The following PLXNA2 variants were observed in gnomAD, a reference collection of about 807,000 sequenced individuals.
PLXNA2 encodes plexin A2, also known as plexin-A2.
PLXNA2 carries 91 observed loss-of-function variants against 193.5 expected under a neutral mutation model. That is an observed-to-expected ratio of 0.47 (90% CI 0.40 to 0.56). PLXNA2 has a LOEUF of 0.56. Ranked by LOEUF, PLXNA2 falls within the 20% of genes least tolerant of loss-of-function variation. PLXNA2 has a pLI of 0.00. For synonymous variants in PLXNA2, 997 were observed against 1,027.3 expected (o/e 0.97, Z 0.56); for missense variants, 1,995 against 2,503.2 (o/e 0.80, Z 4.33).
chr1:208,148,626 G>A (rs578026451), intron 3 of PLXNA2, among the ~76,000 whole-genome samples: 4 of 152,306 alleles, frequency 2.6e-5, no homozygotes, highest in South Asian at 4.1e-4. Context: ...CTAGGCCTGC[G>A]TTAGGAGCTG....
At chr1:208,096,178 G>T in intron 7 of PLXNA2, 53 bp from the exon 8 acceptor site, 1 of 1,314,858 alleles carries the variant, frequency 7.6e-7, no homozygotes, top group Non-Finnish European at 1.1e-6. Flanking sequence ...GGGGGACCCA[G>T]TGGACAGCCA....
At chr1:208,090,503 G>T (rs976901687) in intron 9 of PLXNA2, among the ~76,000 whole-genome samples, 3 of 152,138 alleles carry the variant, frequency 2.0e-5, no homozygotes, top group Non-Finnish European at 4.4e-5. Flanking sequence ...CTTCCGAATG[G>T]TGTGAGGAAG....
At chr1:208,230,743 T>C (rs2102636876) in intron 1 of PLXNA2, among the ~76,000 whole-genome samples, 1 of 152,366 alleles carries the variant, frequency 6.6e-6, no homozygotes. Context: ...AAGCAGGCTA[T>C]GTCCCCACCC....
intron 1 of PLXNA2, among the ~76,000 whole-genome samples, chr1:208,243,111 A>G (rs776685775): frequency 3.3e-5 from 5 of 152,034 alleles, no homozygotes; most frequent in Non-Finnish European, 7.4e-5. Flanking sequence ...ACCCGCGCAA[A>G]TGATGTTTTC....
intron 2 of PLXNA2, among the ~76,000 whole-genome samples, chr1:208,216,011 T>C (rs75156564): frequency 0.063 from 9,543 of 152,262 alleles, 410 homozygotes; most frequent in East Asian, 0.15. Context: ...CTTAGATTTC[T>C]GATCTCCACT....
At chr1:208,171,560 T>C (rs961029616) in intron 3 of PLXNA2, among the ~76,000 whole-genome samples, 2 of 152,216 alleles carry the variant, frequency 1.3e-5, no homozygotes, top group African/African-American at 2.4e-5. Flanking sequence ...CCTAGCAAGA[T>C]GGCTCATGCC....
In PLXNA2 at chr1:208,096,839, G is replaced by C; in HGVS notation, c.1776C>G (p.Ile592Met). The change falls in exon 7 of 32, where the codon ATC becomes ATG. Residue 592 changes from isoleucine to methionine, a missense_variant. Physicochemically the swap from Ile to Met is conservative, Grantham distance 10. Around this residue, in one of 3 missense-constraint regions of PLXNA2, gnomAD observed 702 missense variants for 812.9 expected, o/e 0.86. Transcript: ENST00000367033. ...CTGTCAGGTTCCCAAAGGCACAGGC[G>C]ATACCCGCAGATAGATCAGGAGCAT... ...VSDAPDLSAG[I>M]ACAFGNLTEV... 1.2e-6 allele frequency: 2 copies of C among 1,614,012 alleles called. No homozygotes were observed. The highest frequency in any genetic ancestry group is 1.7e-6 in the Non-Finnish European group (2 of 1,180,000).
intron 12 of PLXNA2, among the ~76,000 whole-genome samples, chr1:208,064,270 C>T (rs1665713892): frequency 6.6e-6 from 1 of 152,194 alleles, no homozygotes; most frequent in Non-Finnish European, 1.5e-5. Context: ...ATCTACTTTC[C>T]AGTAGCTGCC....
chr1:208,027,776 A>C (rs781639172), intron 31 of PLXNA2, among the ~76,000 whole-genome samples: 1 of 152,214 alleles, frequency 6.6e-6, no homozygotes, highest in Non-Finnish European at 1.5e-5. Context: ...GAACTGAAAA[A>C]CAAATGATTA....
chr1:208,068,957 G>GTA (rs950262205), intron 12 of PLXNA2, among the ~76,000 whole-genome samples: 2 of 152,184 alleles, frequency 1.3e-5, no homozygotes, highest in African/African-American at 4.8e-5. Flanking sequence ...TAAAAAGTGT[G>GTA]TATATCGTTT....
intron 3 of PLXNA2, among the ~76,000 whole-genome samples, chr1:208,194,175 A>G (rs888518094): frequency 2.0e-5 from 3 of 151,930 alleles, no homozygotes; most frequent in Non-Finnish European, 4.4e-5. Flanking sequence ...TGTTGTGCTC[A>G]GGTTGGGAGC....
At chr1:208,171,208 T>C (rs1669485574) in intron 3 of PLXNA2, among the ~76,000 whole-genome samples, 1 of 152,232 alleles carries the variant, frequency 6.6e-6, no homozygotes, top group Non-Finnish European at 1.5e-5. Flanking sequence ...GGGTGCCATG[T>C]TGGCACTGTC....
chr1:208,106,296 T>C (rs1009323986), intron 4 of PLXNA2, among the ~76,000 whole-genome samples: 11 of 152,212 alleles, frequency 7.2e-5, no homozygotes, highest in East Asian at 1.9e-4. Context: ...TGTGCTTCTA[T>C]ATTCATTTGT....
intron 3 of PLXNA2, among the ~76,000 whole-genome samples, chr1:208,171,419 A>G (rs1045058131): frequency 2.0e-5 from 3 of 152,234 alleles, no homozygotes; most frequent in African/African-American, 7.2e-5. Context: ...AATCCTCAAA[A>G]TAAATTCTGA....
chr1:208,102,138 C>T (rs921342845), intron 5 of PLXNA2, among the ~76,000 whole-genome samples: 4 of 152,234 alleles, frequency 2.6e-5, no homozygotes, highest in Non-Finnish European at 4.4e-5. Context: ...TTCACGGGCT[C>T]AAATCCAGTC....
intron 3 of PLXNA2, among the ~76,000 whole-genome samples, chr1:208,189,461 C>G (rs566409539): frequency 6.8e-4 from 104 of 151,974 alleles, no homozygotes; most frequent in African/African-American, 2.4e-3. Flanking sequence ...CAGAAGGGAA[C>G]CCTGACTCCT....
intron 3 of PLXNA2, among the ~76,000 whole-genome samples, chr1:208,193,096 G>T (rs1204128046): frequency 1.3e-5 from 2 of 152,144 alleles, no homozygotes; most frequent in South Asian, 2.1e-4. Context: ...TCCAACTACC[G>T]CAATATCCTC....
chr1:208,206,583 C>T (rs1422743713), intron 3 of PLXNA2, among the ~76,000 whole-genome samples: 1 of 152,158 alleles, frequency 6.6e-6, no homozygotes, highest in African/African-American at 2.4e-5. Context: ...TTCATCAGTT[C>T]TTCTGTCTCA....
intron 4 of PLXNA2, among the ~76,000 whole-genome samples, chr1:208,127,098 C>T (rs1036013784): frequency 1.3e-5 from 2 of 152,228 alleles, no homozygotes; most frequent in Non-Finnish European, 2.9e-5. Context: ...GCTTTTAAAA[C>T]TCCTTTCTCC....
Sources: allele counts gnomAD v4.1 joint callset (sites outside exome capture counted in the v4.1 genomes callset), GRCh38; gene constraint gnomAD v4.1.1; regional missense constraint gnomAD v4.1.1; transcripts MANE v1.5; gene names NCBI Gene and HGNC (gene_info 2026-07-23, HGNC 2026-07-21).